The following RAB8B variants were observed in gnomAD, a reference collection of about 807,000 sequenced individuals.
RAB8B encodes RAB8B, member RAS oncogene family.
In RAB8B, 11 loss-of-function variants were observed where a neutral mutation model predicts 32.0. The ratio of observed to expected loss-of-function variants is 0.34; its 90% CI spans 0.22 to 0.57. The LOEUF is 0.57. RAB8B is among the 20% of genes least tolerant of loss of function. RAB8B has a pLI of 0.86. For missense variants in RAB8B, 190 were observed against 258.5 expected, an observed-to-expected ratio of 0.73 and a Z score of 1.82; for synonymous variants, 103 against 89.6, an observed-to-expected ratio of 1.15 and a Z score of -0.85.
chr15:63,191,924 G>C (rs917671430), intron 1 of RAB8B, among the ~76,000 whole-genome samples: 1 of 152,142 alleles, frequency 6.6e-6, no homozygotes, highest in Non-Finnish European at 1.5e-5. Flanking sequence ...TCTATCAGTG[G>C]ATTTCAAAAA....
chr15:63,217,243 G>A (rs751630479), intron 1 of RAB8B, among the ~76,000 whole-genome samples: 17 of 152,160 alleles, frequency 1.1e-4, no homozygotes, highest in African/African-American at 3.4e-4. Context: ...AGGAATAAGC[G>A]TAATGGAGTT....
chr15:63,197,248 T>A (rs1402658789), intron 1 of RAB8B, among the ~76,000 whole-genome samples: 1 of 151,610 alleles, frequency 6.6e-6, no homozygotes, highest in Non-Finnish European at 1.5e-5. Context: ...TATGGTTATG[T>A]TTTATTCTCA....
chr15:63,217,932 A>G (rs933866313), intron 1 of RAB8B, among the ~76,000 whole-genome samples: 1 of 152,242 alleles, frequency 6.6e-6, no homozygotes, highest in Non-Finnish European at 1.5e-5. Flanking sequence ...CTGTTAAAAT[A>G]GACACTTAGA....
intron 1 of RAB8B, among the ~76,000 whole-genome samples, chr15:63,207,526 T>A (rs1029782950): frequency 6.6e-6 from 1 of 152,104 alleles, no homozygotes. Context: ...AACCTGGAAG[T>A]CATCTTTGAC....
Position 63,266,205 on chromosome 15 carries a change from G to A in RAB8B, c.*2586G>A, listed in dbSNP as rs1286558061. The A allele has an allele frequency of 6.6e-6, 1 of 152,550 alleles. No homozygotes were observed. The highest frequency in any genetic ancestry group is 1.5e-5 in the Non-Finnish European group (1 of 68,004). The allele number at this position is 152,550 out of a possible 1,614,324, so 9.4% of individuals were successfully genotyped here. Reference sequence around the variant, plus strand: ...TGAAGATTTTTGCAGCAGTATTAGTGGTTCAGTGGCTGCACTTTATTAATC... The same window carrying A: ...TGAAGATTTTTGCAGCAGTATTAGTAGTTCAGTGGCTGCACTTTATTAATC... On this transcript the variant is annotated 3_prime_UTR_variant, in exon 8 of 8. Coordinates refer to ENST00000321437, the MANE Select transcript of RAB8B (RefSeq NM_016530.3).
chr15:63,233,289 C>T (rs547252277), intron 1 of RAB8B, among the ~76,000 whole-genome samples: 1 of 151,874 alleles, frequency 6.6e-6, no homozygotes, highest in South Asian at 2.1e-4. Context: ...GTCTCCAACT[C>T]CTGGCCTCAA....
chr15:63,190,741 GA>G (rs1384917730), intron 1 of RAB8B, among the ~76,000 whole-genome samples: 1 of 152,180 alleles, frequency 6.6e-6, no homozygotes, highest in Non-Finnish European at 1.5e-5. Context: ...ACCATCTCCT[GA>G]GAAGCAAGAC....
intron 1 of RAB8B, among the ~76,000 whole-genome samples, chr15:63,213,399 T>C (rs2037763505): frequency 6.6e-6 from 1 of 152,208 alleles, no homozygotes. Context: ...GTTTTCTGTA[T>C]AGTGCCAAAT....
At chr15:63,228,056 C>T (rs1036940596) in intron 1 of RAB8B, among the ~76,000 whole-genome samples, 1 of 151,982 alleles carries the variant, frequency 6.6e-6, no homozygotes, top group South Asian at 2.1e-4. Flanking sequence ...CACGCTGGAG[C>T]GTAGTCACCC....
chr15:63,266,671 T>C lies in RAB8B; in HGVS notation c.*3052T>C, dbSNP rs2038250644. 6.6e-6 allele frequency: 1 copy of C among 152,594 alleles called. No individual in the cohort carries two copies. The highest frequency in any genetic ancestry group is 2.1e-4 in the South Asian group (1 of 4,832). The allele number at this position is 152,594 out of a possible 1,614,324, so 9.5% of individuals were successfully genotyped here. A position where few individuals can be genotyped will look rare whatever the true frequency, so the allele number is the denominator to read the frequency against. ...AAAGGTAGGAAATATTAGTTTAGGATAGAGCATACATGTCATATCCAGTAG... is the reference window on the plus strand; with the variant it reads ...AAAGGTAGGAAATATTAGTTTAGGACAGAGCATACATGTCATATCCAGTAG... On this transcript the variant is annotated 3_prime_UTR_variant, in exon 8 of 8. Coordinates refer to ENST00000321437, the MANE Select transcript of RAB8B (RefSeq NM_016530.3).
At chr15:63,207,144 G>A (rs1339334453) in intron 1 of RAB8B, among the ~76,000 whole-genome samples, 1 of 152,038 alleles carries the variant, frequency 6.6e-6, no homozygotes, top group Non-Finnish European at 1.5e-5. Context: ...TTAGAAATTG[G>A]ACACTTCAAT....
chr15:63,212,744 T>G (rs2037758641), intron 1 of RAB8B, among the ~76,000 whole-genome samples: 1 of 152,162 alleles, frequency 6.6e-6, no homozygotes, highest in African/African-American at 2.4e-5. Context: ...GTGAATTGCT[T>G]CATGATTGGT....
chr15:63,203,827 G>GT (rs1207988641), intron 1 of RAB8B, among the ~76,000 whole-genome samples: 2 of 151,860 alleles, frequency 1.3e-5, no homozygotes, highest in African/African-American at 4.8e-5. Context: ...TAAACCCCAT[G>GT]TTTTTTTTCA....
At chr15:63,228,444 G>A (rs1204168476) in intron 1 of RAB8B, among the ~76,000 whole-genome samples, 1 of 152,254 alleles carries the variant, frequency 6.6e-6, no homozygotes, top group South Asian at 2.1e-4. Flanking sequence ...ATTAGGGACA[G>A]GGATAGCCTG....
At chr15:63,253,979 G>A (rs1311476511) in intron 3 of RAB8B, among the ~76,000 whole-genome samples, 2 of 152,120 alleles carry the variant, frequency 1.3e-5, no homozygotes, top group Admixed American at 6.5e-5. Flanking sequence ...GATCACAAGG[G>A]GATATCTATT....
chr15:63,218,097 GT>G (rs2037809271), intron 1 of RAB8B, among the ~76,000 whole-genome samples: 2 of 150,804 alleles, frequency 1.3e-5, no homozygotes, highest in Non-Finnish European at 2.9e-5. Context: ...GTGGTTATCT[GT>G]TCTTTTTTTT....
chr15:63,226,250 T>G (rs146668844), intron 1 of RAB8B, among the ~76,000 whole-genome samples: 41 of 152,356 alleles, frequency 2.7e-4, no homozygotes, highest in African/African-American at 9.6e-4. Flanking sequence ...ATCTATCATG[T>G]GTGGTTGAGC....
At chr15:63,244,304 A>AT (rs965395287) in intron 1 of RAB8B, among the ~76,000 whole-genome samples, 2 of 152,058 alleles carry the variant, frequency 1.3e-5, no homozygotes, top group Admixed American at 6.6e-5. Flanking sequence ...AAATAGGCAA[A>AT]TTTTTTTTCC....
chr15:63,223,749 A>T (rs1227970884), intron 1 of RAB8B: 1 of 258,198 alleles, frequency 3.9e-6, no homozygotes, highest in Non-Finnish European at 8.1e-6. Flanking sequence ...TAAGTGACAC[A>T]TGACTGTATT....
Sources: allele counts gnomAD v4.1 joint callset (sites outside exome capture counted in the v4.1 genomes callset), GRCh38; gene constraint gnomAD v4.1.1; transcripts MANE v1.5; gene names NCBI Gene and HGNC (gene_info 2026-07-23, HGNC 2026-07-21).